RABGAP1L: variants seen among roughly 807,000 people sequenced by gnomAD.
The protein encoded by RABGAP1L is RAB GTPase activating protein 1 like, also known as rab GTPase-activating protein 1-like.
Under a neutral mutation model 137.7 loss-of-function variants are expected in RABGAP1L, and 63 were observed. The observed-to-expected ratio is 0.46, with a 90% CI of 0.37 to 0.56. The LOEUF (loss-of-function observed/expected upper bound fraction) is 0.56, where lower values mean the gene tolerates loss of function less well. Among genes scored for constraint, RABGAP1L ranks in the 20% least tolerant of loss-of-function variants. RABGAP1L has a pLI of 0.00. For missense variants in RABGAP1L, 1,095 were observed against 1,244.0 expected (o/e 0.88, Z 1.80); for synonymous variants, 431 against 433.7 (o/e 0.99, Z 0.08).
At chr1:174,645,578 C>G (rs181300768) in intron 14 of RABGAP1L, among the ~76,000 whole-genome samples, 1 of 152,212 alleles carries the variant, frequency 6.6e-6, no homozygotes, top group African/African-American at 2.4e-5. Context: ...CATAGTATTC[C>G]ATGGTGTATA....
chr1:174,473,353 T>C (rs1658150030), intron 13 of RABGAP1L, among the ~76,000 whole-genome samples: 1 of 152,208 alleles, frequency 6.6e-6, no homozygotes, highest in Non-Finnish European at 1.5e-5. Flanking sequence ...TTTCCTACTT[T>C]GTACTTCAGG....
intron 13 of RABGAP1L, among the ~76,000 whole-genome samples, chr1:174,553,974 G>A (rs1393246371): frequency 2.0e-5 from 3 of 152,148 alleles, no homozygotes; most frequent in Non-Finnish European, 2.9e-5. Context: ...CAGGGTGACA[G>A]AGTGAGACCT....
At chr1:174,614,728 A>G (rs1276151475) in intron 13 of RABGAP1L, among the ~76,000 whole-genome samples, 1 of 152,172 alleles carries the variant, frequency 6.6e-6, no homozygotes, top group African/African-American at 2.4e-5. Flanking sequence ...TCAGACGTAG[A>G]TTTGGTCTTT....
At chr1:174,601,044 T>A (rs1274005403) in intron 13 of RABGAP1L, among the ~76,000 whole-genome samples, 2 of 152,230 alleles carry the variant, frequency 1.3e-5, no homozygotes, top group East Asian at 3.9e-4. Flanking sequence ...ACCTCAATTC[T>A]TGACTTTGGT....
In RABGAP1L at chr1:174,763,833, G is replaced by A. The variant is rs1276029748; in HGVS notation, c.2211+11479G>A. 1.9e-3 allele frequency among the ~76,000 whole-genome samples: 135 copies of A among 70,894 alleles called. 1 individual carries two copies. The highest frequency in any genetic ancestry group is 4.9e-3 in the African/African-American group (122 of 24,770). The allele number at this position is 70,894 out of a possible 152,430, so 46.5% of individuals were successfully genotyped here. A position where few individuals can be genotyped will look rare whatever the true frequency, so the allele number is the denominator to read the frequency against. ...AGCCTGGGCAACAGAGCAAGACTCC[G>A]TCTCAAAAAAAAAAAAAAAAAAAAA... On this transcript the variant is annotated intron_variant, in intron 18 of 25. Transcript: ENST00000681986.
chr1:174,986,611 G>C (rs1397480782), intron 24 of RABGAP1L, among the ~76,000 whole-genome samples: 1 of 152,156 alleles, frequency 6.6e-6, no homozygotes, highest in Non-Finnish European at 1.5e-5. Flanking sequence ...CACGAGGCTC[G>C]GTAGAGTAAA....
intron 13 of RABGAP1L, among the ~76,000 whole-genome samples, chr1:174,596,894 G>GT (rs1436957653): frequency 1.3e-5 from 2 of 151,940 alleles, no homozygotes; most frequent in African/African-American, 4.8e-5. Context: ...TCTCTATCCA[G>GT]TTTTTTTAGG....
intron 17 of RABGAP1L, among the ~76,000 whole-genome samples, chr1:174,706,347 CTG>C (rs1680044276): frequency 6.6e-6 from 1 of 152,156 alleles, no homozygotes; most frequent in South Asian, 2.1e-4. Flanking sequence ...GGATTTGAAA[CTG>C]GAGTTTAAAA....
intron 1 of RABGAP1L, among the ~76,000 whole-genome samples, chr1:174,209,526 GGGATGAGT>G (rs1410157276): frequency 1.3e-5 from 2 of 152,210 alleles, no homozygotes; most frequent in African/African-American, 4.8e-5. Context: ...GGAAACGACA[GGGATGAGT>G]GGAAGAATTG....
At chr1:174,222,536 T>C (rs1003964485) in intron 3 of RABGAP1L, among the ~76,000 whole-genome samples, 15 of 152,290 alleles carry the variant, frequency 9.8e-5, no homozygotes, top group African/African-American at 3.4e-4. Context: ...CTGGATAAAA[T>C]TTAAAATTTT....
At chr1:174,686,375 A>C (rs1678458440) in intron 15 of RABGAP1L, among the ~76,000 whole-genome samples, 1 of 151,216 alleles carries the variant, frequency 6.6e-6, no homozygotes, top group African/African-American at 2.4e-5. Context: ...TCTTTCTTTG[A>C]TTTCTCTACA....
intron 14 of RABGAP1L, among the ~76,000 whole-genome samples, chr1:174,675,752 C>T (rs1006794418): frequency 5.3e-5 from 8 of 152,104 alleles, no homozygotes; most frequent in Non-Finnish European, 5.9e-5. Flanking sequence ...ATTCAGGCCA[C>T]GTGCTGAATT....
chr1:174,372,980 AATG>A (rs374270952), intron 12 of RABGAP1L, among the ~76,000 whole-genome samples: 4 of 152,338 alleles, frequency 2.6e-5, no homozygotes, highest in African/African-American at 9.6e-5. Context: ...ATTCTATTGA[AATG>A]ATGTTCAGTT....
At chr1:174,364,895 C>T (rs1410789331) in intron 11 of RABGAP1L, among the ~76,000 whole-genome samples, 2 of 152,068 alleles carry the variant, frequency 1.3e-5, no homozygotes, top group Admixed American at 6.5e-5. Context: ...GGATCCTTTT[C>T]GGCCCAGGGT....
intron 13 of RABGAP1L, among the ~76,000 whole-genome samples, chr1:174,569,654 A>G (rs1315260501): frequency 1.3e-5 from 2 of 152,202 alleles, no homozygotes; most frequent in Non-Finnish European, 1.5e-5. Context: ...TTTATAAGGA[A>G]TTGTAAAGAT....
intron 19 of RABGAP1L, among the ~76,000 whole-genome samples, chr1:174,908,929 T>C (rs1388622841): frequency 1.3e-5 from 2 of 150,152 alleles, no homozygotes; most frequent in Admixed American, 6.6e-5. Context: ...ATCCCAGCAC[T>C]TTGGGAGGCC....
chr1:174,384,955 A>G (rs1686625711), intron 12 of RABGAP1L, among the ~76,000 whole-genome samples: 1 of 152,208 alleles, frequency 6.6e-6, no homozygotes. Context: ...TTATACATAG[A>G]TTTATTTATC....
Position 174,234,241 on chromosome 1 carries a change from C to G in RABGAP1L, c.542+2886C>G, listed in dbSNP as rs1418854442. Among the ~76,000 whole-genome samples the G allele has an allele frequency of 2.1e-3, 217 of 104,786 alleles. 2 individuals are homozygous for G. The highest frequency in any genetic ancestry group is 3.3e-3 in the Admixed American group (34 of 10,196). 68.7% of individuals were successfully genotyped at this position (104,786 alleles called of 152,430 possible). A position where few individuals can be genotyped will look rare whatever the true frequency, so the allele number is the denominator to read the frequency against. On this transcript the variant is annotated intron_variant, in intron 4 of 25. Transcript: ENST00000681986. ...TGCCTGTTCACTCTGATGGTAGTTTCTTTTGCTGTGCAGAAGCTCTTTAGT... is the reference window on the plus strand; with the variant it reads ...TGCCTGTTCACTCTGATGGTAGTTTGTTTTGCTGTGCAGAAGCTCTTTAGT...
intron 17 of RABGAP1L, among the ~76,000 whole-genome samples, chr1:174,749,108 G>A (rs1573019100): frequency 6.6e-6 from 1 of 151,598 alleles, no homozygotes; most frequent in Admixed American, 6.6e-5. Context: ...CCCAGGAAGT[G>A]GAGGTTGCAG....
Sources: allele counts gnomAD v4.1 joint callset (sites outside exome capture counted in the v4.1 genomes callset), GRCh38; gene constraint gnomAD v4.1.1; transcripts MANE v1.5; gene names NCBI Gene and HGNC (gene_info 2026-07-23, HGNC 2026-07-21).